Variants in GRID1 observed in about 807,000 individuals in gnomAD.
GRID1 encodes the protein glutamate ionotropic receptor delta type subunit 1, also known as glutamate receptor ionotropic, delta-1.
A neutral mutation model predicts 98.0 loss-of-function variants in GRID1; 28 were observed. The ratio of observed to expected loss-of-function variants is 0.29; its 90% CI spans 0.21 to 0.39. The LOEUF is 0.39. GRID1 is among the 10% of genes least tolerant of loss of function. The pLI, the probability that GRID1 is intolerant of heterozygous loss-of-function variation, is 1.00. For synonymous variants in GRID1, 553 were observed against 538.5 expected, an observed-to-expected ratio of 1.03 and a Z score of -0.37; for missense variants, 1,111 against 1,340.5, an observed-to-expected ratio of 0.83 and a Z score of 2.67.
At chr10:85,850,195 T>C (rs928298757) in intron 8 of GRID1, among the ~76,000 whole-genome samples, 6 of 152,126 alleles carry the variant, frequency 3.9e-5, no homozygotes, top group East Asian at 1.9e-4. Flanking sequence ...GACCCGGAGA[T>C]AGTGGAAGAG....
At chr10:86,164,174 C>T (rs1213285227) in intron 3 of GRID1, among the ~76,000 whole-genome samples, 1 of 152,214 alleles carries the variant, frequency 6.6e-6, no homozygotes, top group Non-Finnish European at 1.5e-5. Flanking sequence ...CTAACGATGA[C>T]ATTTGTACTG....
At chr10:85,820,766 A>G (rs1473783002) in intron 8 of GRID1, among the ~76,000 whole-genome samples, 1 of 152,196 alleles carries the variant, frequency 6.6e-6, no homozygotes, top group Non-Finnish European at 1.5e-5. Flanking sequence ...TATCTATACT[A>G]CACGGAGGCA....
At chr10:85,878,753 C>G (rs964100767) in intron 5 of GRID1, among the ~76,000 whole-genome samples, 4 of 151,990 alleles carry the variant, frequency 2.6e-5, no homozygotes, top group Non-Finnish European at 5.9e-5. Context: ...ATGACAGGAT[C>G]AAATTCACAC....
At chr10:86,155,876 G>A (rs1180206826) in intron 3 of GRID1, among the ~76,000 whole-genome samples, 1 of 152,214 alleles carries the variant, frequency 6.6e-6, no homozygotes, top group Non-Finnish European at 1.5e-5. Context: ...CAGGCCTGAG[G>A]AGGATGGGAA....
At chr10:86,196,938 A>AC (rs1845882888) in intron 3 of GRID1, among the ~76,000 whole-genome samples, 1 of 151,868 alleles carries the variant, frequency 6.6e-6, no homozygotes, top group South Asian at 2.1e-4. Flanking sequence ...GCAATGAAAC[A>AC]CCCCCAAAAT....
intron 4 of GRID1, among the ~76,000 whole-genome samples, chr10:85,958,612 C>T (rs1842224430): frequency 6.6e-6 from 1 of 152,110 alleles, no homozygotes; most frequent in Non-Finnish European, 1.5e-5. Flanking sequence ...AGATCACCCC[C>T]ACTAATGTAG....
chr10:85,663,479 A>G (rs1214488795), intron 12 of GRID1, among the ~76,000 whole-genome samples: 2 of 152,188 alleles, frequency 1.3e-5, no homozygotes, highest in Non-Finnish European at 2.9e-5. Flanking sequence ...CAGCCTCCAG[A>G]ACTGTGAGAC....
chr10:85,775,219 C>T (rs1480136851), intron 8 of GRID1, among the ~76,000 whole-genome samples: 2 of 150,778 alleles, frequency 1.3e-5, no homozygotes, highest in Non-Finnish European at 2.9e-5. Context: ...AGTAAACTAT[C>T]ACAAGAACAA....
chr10:86,258,700 T>C (rs1846964243), intron 2 of GRID1, among the ~76,000 whole-genome samples: 1 of 152,218 alleles, frequency 6.6e-6, no homozygotes, highest in African/African-American at 2.4e-5. Context: ...GATGACATCA[T>C]AAGGGCAGCT....
chr10:85,995,546 T>C (rs1203840356), intron 4 of GRID1, among the ~76,000 whole-genome samples: 1 of 152,230 alleles, frequency 6.6e-6, no homozygotes, highest in Non-Finnish European at 1.5e-5. Context: ...GATTCTCCCC[T>C]GAACATAGTC....
chr10:86,070,287 C>CA (rs1843785131), intron 4 of GRID1, among the ~76,000 whole-genome samples: 1 of 152,128 alleles, frequency 6.6e-6, no homozygotes, highest in Non-Finnish European at 1.5e-5. Context: ...GTGTCTGTGC[C>CA]AGTTGTGGAA....
intron 8 of GRID1, among the ~76,000 whole-genome samples, chr10:85,760,944 A>G (rs1317516667): frequency 6.6e-6 from 1 of 152,158 alleles, no homozygotes; most frequent in Admixed American, 6.5e-5. Context: ...ACAAATCTGC[A>G]CTCACACCCA....
At chr10:85,776,475 CAGGGT>C (rs1352818263) in intron 8 of GRID1, among the ~76,000 whole-genome samples, 2 of 152,126 alleles carry the variant, frequency 1.3e-5, no homozygotes, top group Admixed American at 1.3e-4. Flanking sequence ...AAGACAGTGC[CAGGGT>C]CCTGGCTGGG....
chr10:85,630,227 T>C (rs540520062), intron 13 of GRID1, among the ~76,000 whole-genome samples: 1 of 152,328 alleles, frequency 6.6e-6, no homozygotes, highest in South Asian at 2.1e-4. Context: ...AACAAGGGTT[T>C]GGAGACAGGT....
At chr10:86,065,454 C>T (rs1209965451) in intron 4 of GRID1, among the ~76,000 whole-genome samples, 1 of 152,240 alleles carries the variant, frequency 6.6e-6, no homozygotes, top group African/African-American at 2.4e-5. Flanking sequence ...GCCTTGGCTC[C>T]AGCACAGCTG....
At chr10:86,149,100 G>T (rs1845126565) in intron 3 of GRID1, among the ~76,000 whole-genome samples, 1 of 152,160 alleles carries the variant, frequency 6.6e-6, no homozygotes, top group Admixed American at 6.5e-5. Context: ...CATCTCTCTT[G>T]TTCTAGAGTC....
At chr10:86,199,337 C>A (rs1303951908) in intron 3 of GRID1, among the ~76,000 whole-genome samples, 1 of 152,092 alleles carries the variant, frequency 6.6e-6, no homozygotes, top group African/African-American at 2.4e-5. Context: ...ATGTAAATAT[C>A]ATAATATATT....
At chr10:85,880,381 C>G (rs1840988335) in intron 5 of GRID1, among the ~76,000 whole-genome samples, 1 of 152,202 alleles carries the variant, frequency 6.6e-6, no homozygotes, top group African/African-American at 2.4e-5. Context: ...CAATAAAATA[C>G]TGGCAAACTG....
At chr10:85,948,543 T>C (rs1842080247) in intron 4 of GRID1, among the ~76,000 whole-genome samples, 1 of 151,888 alleles carries the variant, frequency 6.6e-6, no homozygotes, top group East Asian at 1.9e-4. Flanking sequence ...GTAAGCCTAG[T>C]ATTAAGATTA....
Sources: allele counts gnomAD v4.1 joint callset (sites outside exome capture counted in the v4.1 genomes callset), GRCh38; gene constraint gnomAD v4.1.1; transcripts MANE v1.5; gene names NCBI Gene and HGNC (gene_info 2026-07-23, HGNC 2026-07-21).